Variants in HS6ST1 observed in about 807,000 individuals in gnomAD.
HS6ST1 encodes the protein heparan-sulfate 6-O-sulfotransferase 1.
HS6ST1 carries 3 observed loss-of-function variants against 25.2 expected under a neutral mutation model. The observed-to-expected ratio is 0.12, with a 90% confidence interval of 0.05 to 0.31. HS6ST1 has a LOEUF of 0.31. Among genes scored for constraint, HS6ST1 ranks in the 10% least tolerant of loss-of-function variants. HS6ST1 has a pLI of 1.00. For missense variants in HS6ST1, 310 were observed against 609.6 expected, an observed-to-expected ratio of 0.51 and a Z score of 5.18; for synonymous variants, 204 against 275.1, an observed-to-expected ratio of 0.74 and a Z score of 2.56.
chr2:128,303,338 C>T lies in HS6ST1; in HGVS notation c.527+14699G>A, dbSNP rs569272406. 4.1e-4 allele frequency among the ~76,000 whole-genome samples: 63 copies of T among 152,352 alleles called. No individual in the cohort carries two copies. In the Middle Eastern group the frequency reaches 0.01, roughly 25 times the overall value. Reference sequence around the variant, plus strand: ...AGCTGGGAGCAGGCTGACCCTGACCCTAACAGCACAACACCCATGGGGCCA... The same window carrying T: ...AGCTGGGAGCAGGCTGACCCTGACCTTAACAGCACAACACCCATGGGGCCA... On this transcript the variant is annotated intron_variant, in intron 1 of 1. Transcript: ENST00000259241.
At chr2:128,297,157 G>C (rs1694051217) in intron 1 of HS6ST1, among the ~76,000 whole-genome samples, 1 of 152,190 alleles carries the variant, frequency 6.6e-6, no homozygotes, top group Non-Finnish European at 1.5e-5. Flanking sequence ...AGCTATGGTA[G>C]TCAAATCAGT....
At chr2:128,274,372 T>C (rs764837490) in intron 1 of HS6ST1, among the ~76,000 whole-genome samples, 9 of 152,090 alleles carry the variant, frequency 5.9e-5, no homozygotes, top group Admixed American at 2.0e-4. Flanking sequence ...TTAGAAACCA[T>C]TGGAGCACGG....
intron 1 of HS6ST1, among the ~76,000 whole-genome samples, chr2:128,270,608 T>G (rs1573688137): frequency 6.6e-6 from 1 of 152,240 alleles, no homozygotes; most frequent in Non-Finnish European, 1.5e-5. Flanking sequence ...TTCTGTCTCC[T>G]GCCTCAGGCT....
At position 128,268,207 on chromosome 2, in the gene HS6ST1, G is replaced by A. The variant is rs533654326; in HGVS notation, c.1191C>T (p.Arg397=). The change falls in exon 2 of 2, where the codon CGC becomes CGT. Residue 397 remains arginine, a synonymous_variant. Coordinates refer to ENST00000259241, the MANE Select transcript of HS6ST1 (RefSeq NM_004807.3). ...LPREDADEPG[R]VPTEDYMSHI... is the part of the protein sequence containing the mutation. ...GGCTCATGTAGTCCTCGGTGGGCAC[G>A]CGGCCCGGCTCGTCGGCATCCTCCC... 135 of 1,609,172 alleles carry A rather than the reference G, an allele frequency of 8.4e-5. 1 individual carries two copies. In the South Asian group the frequency reaches 9.2e-4, roughly 11 times the overall value.
intron 1 of HS6ST1, among the ~76,000 whole-genome samples, chr2:128,273,543 G>A (rs755640500): frequency 1.5e-4 from 23 of 152,146 alleles, no homozygotes; most frequent in Non-Finnish European, 3.1e-4. Flanking sequence ...GACTCTTTAG[G>A]AGCCAGAGGC....
At chr2:128,297,151 A>T (rs1694051057) in intron 1 of HS6ST1, among the ~76,000 whole-genome samples, 1 of 152,234 alleles carries the variant, frequency 6.6e-6, no homozygotes, top group Admixed American at 6.5e-5. Context: ...CTACAAAGCT[A>T]TGGTAGTCAA....
chr2:128,311,485 T>C (rs979005597), intron 1 of HS6ST1, among the ~76,000 whole-genome samples: 1 of 152,184 alleles, frequency 6.6e-6, no homozygotes, highest in Non-Finnish European at 1.5e-5. Flanking sequence ...CGGCTTCTCA[T>C]GCTCTTCCCG....
intron 1 of HS6ST1, among the ~76,000 whole-genome samples, chr2:128,299,197 C>T (rs1441650938): frequency 2.6e-5 from 4 of 152,254 alleles, no homozygotes; most frequent in African/African-American, 7.2e-5. Flanking sequence ...AGAGAGCACA[C>T]AGCTCCCTCC....
rs1332226504 is a variant in HS6ST1, at chr2:128,292,846, GAA to G, written c.528-23978_528-23977del. On this transcript the variant is annotated intron_variant, in intron 1 of 1. Coordinates refer to ENST00000259241, the MANE Select transcript of HS6ST1 (RefSeq NM_004807.3). The stretch of plus-strand genomic sequence containing the variant: ...GCTATCAGCTGACGGGCTCCTGCTG[GAA>G]AAGACGGCTCGACTCACAGGAGGGC... Among the ~76,000 whole-genome samples, 4 of 152,124 alleles carry G rather than the reference GAA, an allele frequency of 2.6e-5. No homozygotes were observed. The East Asian group carries it at 7.8e-4, about 30-fold the overall frequency.
At chr2:128,270,670 C>G (rs1377219540) in intron 1 of HS6ST1, among the ~76,000 whole-genome samples, 3 of 152,226 alleles carry the variant, frequency 2.0e-5, no homozygotes, top group African/African-American at 4.8e-5. Flanking sequence ...CCTAGCTGAC[C>G]CTGTGTCCAG....
At chr2:128,303,739 T>C (rs966578567) in intron 1 of HS6ST1, among the ~76,000 whole-genome samples, 7 of 152,222 alleles carry the variant, frequency 4.6e-5, no homozygotes, top group Non-Finnish European at 5.9e-5. Context: ...TGCAGCCCAG[T>C]GTGGGTGCCC....
At chr2:128,302,917 C>A (rs573885802) in intron 1 of HS6ST1, among the ~76,000 whole-genome samples, 14 of 152,224 alleles carry the variant, frequency 9.2e-5, no homozygotes, top group Admixed American at 9.2e-4. Flanking sequence ...CTCTTCTCCC[C>A]CGACGGCCTG....
Position 128,267,868 on chromosome 2 carries a change from AAGG to A in HS6ST1, c.*291_*293del, listed in dbSNP as rs1246039614. ...AACCTTCAGTTTTTGCGATAAATCC[AAGG>A]AGGCCAGGAGAGCAGCTCCAGGCAC... On this transcript the variant is annotated 3_prime_UTR_variant, in exon 2 of 2. Coordinates refer to ENST00000259241, the MANE Select transcript of HS6ST1 (RefSeq NM_004807.3). 9 of 553,892 alleles carry A rather than the reference AAGG, an allele frequency of 1.6e-5. No homozygotes were observed. The highest frequency in any genetic ancestry group is 6.3e-5 in the Admixed American group (2 of 31,752). The allele number at this position is 553,892 out of a possible 1,614,324, so 34.3% of individuals were successfully genotyped here. A position where few individuals can be genotyped will look rare whatever the true frequency, so the allele number is the denominator to read the frequency against.
chr2:128,271,998 C>T (rs115871422), intron 1 of HS6ST1, among the ~76,000 whole-genome samples: 1 of 152,212 alleles, frequency 6.6e-6, no homozygotes, highest in African/African-American at 2.4e-5. Flanking sequence ...ATACCCAGGT[C>T]CCCTGGGCGT....
chr2:128,268,059 A>T lies in HS6ST1; in HGVS notation c.*103T>A, dbSNP rs1202639143. 5.2e-6 allele frequency: 4 copies of T among 775,922 alleles called. No homozygotes were observed. The highest frequency in any genetic ancestry group is 8.6e-6 in the Non-Finnish European group (4 of 467,690). 48.1% of individuals were successfully genotyped at this position (775,922 alleles called of 1,614,324 possible). ...CAGGACGCAGCTACCTCTGTGGAGC[A>T]GGTTTGGGATGCTCATCCCTTGACA... On this transcript the variant is annotated 3_prime_UTR_variant, in exon 2 of 2. Transcript: ENST00000259241.
At chr2:128,305,012 G>A (rs1694187652) in intron 1 of HS6ST1, among the ~76,000 whole-genome samples, 1 of 152,202 alleles carries the variant, frequency 6.6e-6, no homozygotes, top group Non-Finnish European at 1.5e-5. Context: ...GAATGCACAG[G>A]GTCAGTGTCA....
chr2:128,269,521 G>A (rs561397729), intron 1 of HS6ST1, among the ~76,000 whole-genome samples: 6 of 152,360 alleles, frequency 3.9e-5, no homozygotes, highest in South Asian at 2.1e-4. Flanking sequence ...TCCCCTGCGC[G>A]GCAGGAGCCC....
rs375462098 is a variant in HS6ST1, at chr2:128,280,853, C to T, written c.528-11983G>A. Reference sequence around the variant, plus strand: ...TGCTGCCCACACCCCTTCCAGAGAGCCCCCTCTTGCCTCAGGACACACACA... The same window carrying T: ...TGCTGCCCACACCCCTTCCAGAGAGTCCCCTCTTGCCTCAGGACACACACA... On this transcript the variant is annotated intron_variant, in intron 1 of 1. Coordinates refer to ENST00000259241, the MANE Select transcript of HS6ST1 (RefSeq NM_004807.3). Among the ~76,000 whole-genome samples the T allele has an allele frequency of 8.5e-5, 13 of 152,346 alleles. No homozygotes were observed. In the East Asian group the frequency reaches 2.5e-3, roughly 29 times the overall value.
intron 1 of HS6ST1, among the ~76,000 whole-genome samples, chr2:128,276,510 A>G (rs892891268): frequency 3.9e-5 from 6 of 152,036 alleles, no homozygotes; most frequent in African/African-American, 1.4e-4. Context: ...TGGGGCTGGG[A>G]TGGCGCTGGG....
Sources: allele counts gnomAD v4.1 joint callset (sites outside exome capture counted in the v4.1 genomes callset), GRCh38; gene constraint gnomAD v4.1.1; transcripts MANE v1.5; gene names NCBI Gene and HGNC (gene_info 2026-07-23, HGNC 2026-07-21).